Variants in OLFM3 observed in about 807,000 individuals in gnomAD.
OLFM3 encodes noelin-3.
In OLFM3, 20 loss-of-function variants were observed where a neutral mutation model predicts 48.6. That is an observed-to-expected ratio of 0.41 (90% CI 0.29 to 0.60). The LOEUF is 0.60. OLFM3 is among the 20% of genes least tolerant of loss of function. The pLI is 0.28. For synonymous variants in OLFM3, 222 were observed against 198.1 expected, an observed-to-expected ratio of 1.12 and a Z score of -1.01; for missense variants, 437 against 544.3, an observed-to-expected ratio of 0.80 and a Z score of 1.96.
intron 1 of OLFM3, among the ~76,000 whole-genome samples, chr1:101,889,461 G>A (rs565892429): frequency 2.6e-5 from 4 of 152,052 alleles, no homozygotes; most frequent in South Asian, 2.1e-4. Flanking sequence ...ATGAGAACAC[G>A]TGGACACAGG....
chr1:101,809,469 T>A (rs1653941200), intron 4 of OLFM3, among the ~76,000 whole-genome samples: 1 of 151,878 alleles, frequency 6.6e-6, no homozygotes, highest in African/African-American at 2.4e-5. Context: ...AATAAAGATA[T>A]TTTTTAACAT....
At chr1:101,852,736 T>C (rs1656273026) in intron 1 of OLFM3, among the ~76,000 whole-genome samples, 1 of 152,006 alleles carries the variant, frequency 6.6e-6, no homozygotes. Flanking sequence ...ACAACAAAAA[T>C]ACACATGCAG....
At chr1:101,916,854 C>A (rs933595324) in intron 1 of OLFM3, among the ~76,000 whole-genome samples, 3 of 151,980 alleles carry the variant, frequency 2.0e-5, no homozygotes, top group Non-Finnish European at 2.9e-5. Context: ...GACGTATGAG[C>A]GAATTAAGCA....
chr1:101,834,726 GT>G (rs1176139012), intron 2 of OLFM3, among the ~76,000 whole-genome samples: 2 of 152,180 alleles, frequency 1.3e-5, no homozygotes, highest in East Asian at 3.9e-4. Context: ...AATAAATTTT[GT>G]TTTTTGTCAT....
intron 1 of OLFM3, among the ~76,000 whole-genome samples, chr1:101,937,283 T>C (rs753662720): frequency 2.0e-5 from 3 of 152,212 alleles, no homozygotes; most frequent in Non-Finnish European, 4.4e-5. Context: ...ATCCGTCTAT[T>C]CCAGCTGAAG....
chr1:101,870,776 A>G (rs1657049464), intron 1 of OLFM3, among the ~76,000 whole-genome samples: 1 of 151,978 alleles, frequency 6.6e-6, no homozygotes, highest in Admixed American at 6.6e-5. Flanking sequence ...TAATACCTAG[A>G]GAGCTTTTTT....
In OLFM3 at chr1:101,898,946, A is replaced by G. The variant is rs182216598; in HGVS notation, c.70-61921T>C. Among the ~76,000 whole-genome samples the G allele has an allele frequency of 3.1e-3, 466 of 152,348 alleles. 2 individuals carry two copies. The highest frequency in any genetic ancestry group is 0.02 in the Middle Eastern group (6 of 294). ...CACTTATTCAGCAATTCATTCATTCATTATGCAGGTGGCATGCAGTACACA... is the reference window on the plus strand; with the variant it reads ...CACTTATTCAGCAATTCATTCATTCGTTATGCAGGTGGCATGCAGTACACA... On this transcript the variant is annotated intron_variant, in intron 1 of 5. Coordinates refer to ENST00000370103, the MANE Select transcript of OLFM3 (RefSeq NM_058170.4).
chr1:101,965,204 C>T (rs898569512), intron 1 of OLFM3, among the ~76,000 whole-genome samples: 1 of 152,136 alleles, frequency 6.6e-6, no homozygotes, highest in Non-Finnish European at 1.5e-5. Context: ...CAAAAATTAA[C>T]TTCAAATAAC....
In OLFM3 at chr1:101,967,590, GAAAA is replaced by G. The variant is rs71592233; in HGVS notation, c.69+29154_69+29157del. Among the ~76,000 whole-genome samples the G allele has an allele frequency of 3.3e-3, 148 of 44,566 alleles. 1 individual carries two copies. Among genetic ancestry groups the G allele is most frequent in the Admixed American group, 5.6e-3 (16 of 2,880 alleles). The allele number at this position is 44,566 out of a possible 152,430, so 29.2% of individuals were successfully genotyped here. A position where few individuals can be genotyped will look rare whatever the true frequency, so the allele number is the denominator to read the frequency against. Reference sequence around the variant, plus strand: ...CCTTTTTACTTCCATCCTAGTCAGTGAAAAAAAAAAAAAAAAAAAAAAAAGGAAT... The same window carrying G: ...CCTTTTTACTTCCATCCTAGTCAGTGAAAAAAAAAAAAAAAAAAAAGGAAT... On this transcript the variant is annotated intron_variant, in intron 1 of 5. Transcript: ENST00000370103.
chr1:101,932,708 C>A lies in OLFM3; in HGVS notation c.69+64040G>T, dbSNP rs370136305. Among the ~76,000 whole-genome samples the A allele has an allele frequency of 9.9e-5, 15 of 152,278 alleles. No individual in the cohort carries two copies. In the South Asian group the frequency reaches 3.1e-3, roughly 32 times the overall value. On this transcript the variant is annotated intron_variant, in intron 1 of 5. Coordinates refer to ENST00000370103, the MANE Select transcript of OLFM3 (RefSeq NM_058170.4). The stretch of plus-strand genomic sequence containing the variant: ...AAAGAACATCAACCCACACAGATGA[C>A]AAAGAACCAGCATAATAACTCTGGT...
intron 1 of OLFM3, among the ~76,000 whole-genome samples, chr1:101,904,654 A>C (rs1311875438): frequency 2.0e-5 from 3 of 152,116 alleles, no homozygotes; most frequent in African/African-American, 7.2e-5. Flanking sequence ...GGTGGCCAGC[A>C]ATACAATTCA....
chr1:101,951,658 G>T (rs1011203158), intron 1 of OLFM3, among the ~76,000 whole-genome samples: 17 of 152,142 alleles, frequency 1.1e-4, no homozygotes, highest in Non-Finnish European at 2.4e-4. Flanking sequence ...CCAGATTCAA[G>T]ATTTCAAAGG....
At chr1:101,959,234 A>G (rs1045256212) in intron 1 of OLFM3, among the ~76,000 whole-genome samples, 4 of 152,142 alleles carry the variant, frequency 2.6e-5, no homozygotes, top group African/African-American at 9.7e-5. Context: ...TTATTGTTGA[A>G]TATGTTAAAG....
At chr1:101,880,125 C>A (rs1245407882) in intron 1 of OLFM3, among the ~76,000 whole-genome samples, 7 of 151,780 alleles carry the variant, frequency 4.6e-5, no homozygotes, top group Admixed American at 1.3e-4. Context: ...TAGAAATGAA[C>A]CCCATGAAAA....
intron 1 of OLFM3, among the ~76,000 whole-genome samples, chr1:101,989,825 T>C (rs905830488): frequency 6.6e-6 from 1 of 152,196 alleles, no homozygotes; most frequent in Non-Finnish European, 1.5e-5. Flanking sequence ...AGAGAAATTA[T>C]ATTCCTAAAT....
chr1:101,863,259 C>A (rs1656726758), intron 1 of OLFM3, among the ~76,000 whole-genome samples: 1 of 152,178 alleles, frequency 6.6e-6, no homozygotes, highest in Non-Finnish European at 1.5e-5. Context: ...TAGGCATAAG[C>A]CAGTGTGCCT....
At chr1:101,968,949 T>C (rs1660700441) in intron 1 of OLFM3, among the ~76,000 whole-genome samples, 3 of 152,232 alleles carry the variant, frequency 2.0e-5, no homozygotes, top group African/African-American at 7.2e-5. Context: ...CTGCTTGAGA[T>C]AGCTCCATAG....
chr1:101,933,201 C>CAAAAAAAAAAAAAAAAAAA (rs761881274), intron 1 of OLFM3, among the ~76,000 whole-genome samples: 4 of 40,108 alleles, frequency 1.0e-4, no homozygotes, highest in Non-Finnish European at 1.8e-4. Context: ...GACTCCATCT[C>CAAAAAAAAAAAAAAAAAAA]AAAAAAAAAA....
chr1:101,867,449 A>G (rs973920823), intron 1 of OLFM3, among the ~76,000 whole-genome samples: 6 of 152,228 alleles, frequency 3.9e-5, no homozygotes, highest in African/African-American at 1.2e-4. Context: ...TGTCAGCCAC[A>G]CAATGTTTAT....
Sources: allele counts gnomAD v4.1 joint callset (sites outside exome capture counted in the v4.1 genomes callset), GRCh38; gene constraint gnomAD v4.1.1; transcripts MANE v1.5; gene names NCBI Gene and HGNC (gene_info 2026-07-23, HGNC 2026-07-21).